Variants in FAM184A observed in about 807,000 individuals in gnomAD.
FAM184A encodes family with sequence similarity 184 member A.
FAM184A carries 99 observed loss-of-function variants against 143.8 expected under a neutral mutation model. The observed-to-expected ratio is 0.69, with a 90% confidence interval of 0.58 to 0.81. The LOEUF (loss-of-function observed/expected upper bound fraction) is 0.81. Among genes scored for constraint, FAM184A ranks in the 40% least tolerant of loss-of-function variants. The pLI, the probability that FAM184A is intolerant of heterozygous loss-of-function variation, is 0.00. For missense variants in FAM184A, 1,217 were observed against 1,310.5 expected (o/e 0.93, Z 1.10); for synonymous variants, 427 against 446.4 (o/e 0.96, Z 0.55).
At chr6:119,083,092 G>T (rs1166050265), upstream of FAM184A, among the ~76,000 whole-genome samples, 1 of 152,182 alleles carries the variant, frequency 6.6e-6, no homozygotes, top group Non-Finnish European at 1.5e-5. Flanking sequence ...AAGGTTTGGG[G>T]ATTACACCCT....
In FAM184A at chr6:119,074,454, T is replaced by C. The variant is rs572636371; in HGVS notation, c.159+3687A>G. On this transcript the variant is annotated intron_variant, in intron 1 of 17. Coordinates refer to ENST00000338891, the MANE Select transcript of FAM184A (RefSeq NM_024581.6). ...GGGCATTTTAATTTTAATAATCAAA[T>C]TGAGACTTTTGTGACTTTGTTACTG... Among the ~76,000 whole-genome samples, 3 of 152,322 alleles carry C rather than the reference T, an allele frequency of 2.0e-5. No individual in the cohort carries two copies. In the South Asian group the frequency reaches 6.2e-4, roughly 32 times the overall value.
Position 119,024,377 on chromosome 6 carries a change from T to G in FAM184A, c.596A>C (p.Gln199Pro). 6.2e-7 allele frequency: 1 copy of G among 1,614,224 alleles called. No homozygotes were observed. Among genetic ancestry groups the G allele is most frequent in the Non-Finnish European group, 8.5e-7 (1 of 1,180,034 alleles). The change falls in exon 2 of 18, where the codon CAA becomes CCA. Residue 199 changes from glutamine to proline, a missense_variant. Gln to Pro is a moderately conservative substitution (Grantham distance 76). Coordinates refer to ENST00000338891, the MANE Select transcript of FAM184A (RefSeq NM_024581.6). ...DLQAAHRREI[Q>P]ELLKSQQDHS... ...ATCCTGCTGTGACTTCAATAGCTCT[T>G]GTATCTCCCGTCTGTGAGCAGCTTG... is the stretch of plus-strand genomic sequence containing the variant.
intron 1 of FAM184A, among the ~76,000 whole-genome samples, chr6:119,137,347 A>G (rs774767159): frequency 2.6e-5 from 4 of 152,124 alleles, no homozygotes; most frequent in Non-Finnish European, 5.9e-5. Context: ...GATAAGAGAG[A>G]GGAAGAGCTC....
chr6:119,021,762 GC>G (rs1395661989), intron 3 of FAM184A, among the ~76,000 whole-genome samples: 1 of 152,092 alleles, frequency 6.6e-6, no homozygotes, highest in African/African-American at 2.4e-5. Flanking sequence ...AACTGCTAGA[GC>G]CCAGGAGTTT....
intron 1 of FAM184A, among the ~76,000 whole-genome samples, chr6:119,148,142 G>A (rs181609206): frequency 2.0e-5 from 3 of 152,188 alleles, no homozygotes; most frequent in Admixed American, 2.0e-4. Flanking sequence ...CTCCTATATG[G>A]ACAAGATTTC....
intron 1 of FAM184A, among the ~76,000 whole-genome samples, chr6:119,050,786 T>C (rs1473906274): frequency 1.4e-5 from 2 of 143,986 alleles, no homozygotes; most frequent in Non-Finnish European, 3.0e-5. Flanking sequence ...CAGTCCGGCC[T>C]GGGCGACAGA....
chr6:119,042,918 A>G (rs891811943), intron 1 of FAM184A, among the ~76,000 whole-genome samples: 4 of 152,210 alleles, frequency 2.6e-5, no homozygotes, highest in African/African-American at 9.6e-5. Flanking sequence ...AAAAGAGTAA[A>G]GTCTATTTTT....
At chr6:118,965,306 C>G (rs948460476) in intron 15 of FAM184A, among the ~76,000 whole-genome samples, 4 of 151,514 alleles carry the variant, frequency 2.6e-5, no homozygotes, top group African/African-American at 9.7e-5. Context: ...CTTCGGCCTC[C>G]CAAAGTGCTG....
chr6:119,125,421 C>T (rs569532633), intron 1 of FAM184A, among the ~76,000 whole-genome samples: 93 of 152,110 alleles, frequency 6.1e-4, no homozygotes, highest in Admixed American at 5.9e-4. Context: ...GACTATAGGT[C>T]GGGACTATGC....
At chr6:118,961,037 T>G (rs1285022298) in intron 17 of FAM184A, among the ~76,000 whole-genome samples, 3 of 151,990 alleles carry the variant, frequency 2.0e-5, no homozygotes, top group Non-Finnish European at 4.4e-5. Flanking sequence ...CTATTACTAG[T>G]GACACTGCTA....
intron 1 of FAM184A, among the ~76,000 whole-genome samples, chr6:119,065,945 G>A (rs1787437996): frequency 6.6e-6 from 1 of 152,168 alleles, no homozygotes; most frequent in Non-Finnish European, 1.5e-5. Context: ...CTAAGAATCA[G>A]GAGAAAGTTC....
chr6:118,977,151 C>T (rs1783871720), intron 11 of FAM184A, among the ~76,000 whole-genome samples: 3 of 152,110 alleles, frequency 2.0e-5, no homozygotes, highest in Non-Finnish European at 2.9e-5. Context: ...TGATCTTTAA[C>T]GGGCAAAGGA....
At chr6:119,011,236 T>G in intron 6 of FAM184A, 73 bp downstream of exon 6, 1 of 1,306,500 alleles carries the variant, frequency 7.7e-7, no homozygotes, top group South Asian at 1.3e-5. Context: ...CTTACCTACC[T>G]ATACAATGTC....
chr6:119,122,419 G>C (rs1206497448), intron 1 of FAM184A, among the ~76,000 whole-genome samples: 3 of 150,778 alleles, frequency 2.0e-5, no homozygotes, highest in Non-Finnish European at 4.5e-5. Flanking sequence ...TAGCCAGCAA[G>C]GTGGCCTTTC....
rs1313347933 is a variant in FAM184A, at chr6:119,008,491, AAGCTGGGTTCC to A, written c.1654-1894_1654-1884del. ...CAAACCCAATTTAAGAGAAAAAGAAAAGCTGGGTTCCATTGTCACAATTTCAGTTCTGAATC... is the reference window on the plus strand; with the variant it reads ...CAAACCCAATTTAAGAGAAAAAGAAAATTGTCACAATTTCAGTTCTGAATC... On this transcript the variant is annotated intron_variant, in intron 6 of 17. Transcript: ENST00000338891. Among the ~76,000 whole-genome samples the A allele has an allele frequency of 2.6e-5, 4 of 152,284 alleles. No individual in the cohort carries two copies. In the East Asian group the frequency reaches 7.7e-4, roughly 29 times the overall value.
At chr6:119,100,827 C>T (rs1788619130) in intron 1 of FAM184A, among the ~76,000 whole-genome samples, 1 of 151,610 alleles carries the variant, frequency 6.6e-6, no homozygotes, top group Non-Finnish European at 1.5e-5. Flanking sequence ...GGTGTGGCAG[C>T]GGGCGCCTAT....
At chr6:119,073,114 T>C (rs763978981) in intron 1 of FAM184A, among the ~76,000 whole-genome samples, 2 of 152,216 alleles carry the variant, frequency 1.3e-5, no homozygotes, top group Non-Finnish European at 2.9e-5. Context: ...ATTTGCAAGT[T>C]TGCATTATTA....
chr6:118,960,857 C>CTGA (rs751566071), intron 17 of FAM184A: 1 of 1,361,490 alleles, frequency 7.3e-7, no homozygotes, highest in South Asian at 1.1e-5. Context: ...ATGCATCTTA[C>CTGA]TGATACCTGA....
chr6:119,079,930 C>G (rs936302277), upstream of FAM184A, among the ~76,000 whole-genome samples: 1 of 152,184 alleles, frequency 6.6e-6, no homozygotes, highest in African/African-American at 2.4e-5. Flanking sequence ...AAAATGTTGT[C>G]TAGTTCCGAG....
Sources: allele counts gnomAD v4.1 joint callset (sites outside exome capture counted in the v4.1 genomes callset), GRCh38; gene constraint gnomAD v4.1.1; transcripts MANE v1.5; gene names NCBI Gene and HGNC (gene_info 2026-07-23, HGNC 2026-07-21).